The following LPIN2 variants were observed in gnomAD, a reference collection of about 807,000 sequenced individuals.
The protein encoded by LPIN2 is lipin 2, also known as phosphatidate phosphatase LPIN2.
LPIN2 carries 55 observed loss-of-function variants against 111.4 expected under a neutral mutation model. The ratio of observed to expected loss-of-function variants is 0.49; its 90% CI spans 0.40 to 0.62. The LOEUF (loss-of-function observed/expected upper bound fraction) is 0.62. Among genes scored for constraint, LPIN2 ranks in the 20% least tolerant of loss-of-function variants. LPIN2 has a pLI of 0.00. For missense variants in LPIN2, 992 were observed against 1,112.1 expected (o/e 0.89, Z 1.54); for synonymous variants, 425 against 414.0 (o/e 1.03, Z -0.32).
intron 1 of LPIN2, among the ~76,000 whole-genome samples, chr18:3,006,055 G>C (rs765044918): frequency 2.0e-5 from 3 of 152,142 alleles, no homozygotes; most frequent in Non-Finnish European, 2.9e-5. Flanking sequence ...TTCAGCTTCA[G>C]GGTTCTCACC....
At chr18:2,953,800 C>A (rs603080) in intron 3 of LPIN2, among the ~76,000 whole-genome samples, 1 of 151,738 alleles carries the variant, frequency 6.6e-6, no homozygotes, top group African/African-American at 2.4e-5. Context: ...ATGCACATTA[C>A]GTGATCTGAG....
chr18:2,942,783 T>C (rs1445867549), intron 4 of LPIN2, among the ~76,000 whole-genome samples: 1 of 152,234 alleles, frequency 6.6e-6, no homozygotes, highest in Non-Finnish European at 1.5e-5. Context: ...ACTTTCAAAA[T>C]GGCAGGTATG....
At chr18:3,010,124 C>G (rs1050956035) in intron 1 of LPIN2, among the ~76,000 whole-genome samples, 4 of 152,138 alleles carry the variant, frequency 2.6e-5, no homozygotes, top group South Asian at 2.1e-4. Flanking sequence ...TCATTTGGAC[C>G]CCAGGGTGAG....
At chr18:2,973,515 CAGTAGTCTGTTCCCTGTTA>C (rs2077957468) in intron 1 of LPIN2, among the ~76,000 whole-genome samples, 1 of 152,196 alleles carries the variant, frequency 6.6e-6, no homozygotes, top group Non-Finnish European at 1.5e-5. Flanking sequence ...CTGCATGTAT[CAGTAGTCTGTTCCCTGTTA>C]AGTAGTACCC....
In LPIN2 at chr18:2,927,822, C is replaced by G; in HGVS notation, c.1621-11G>C. The G allele has an allele frequency of 6.2e-7, 1 of 1,613,728 alleles. No individual in the cohort carries two copies. Among genetic ancestry groups the G allele is most frequent in the Admixed American group, 1.7e-5 (1 of 60,022 alleles). ...GGACTCAACTGTGGCCTGAAAACAA[C>G]CAACCTGGGTTAGTCTGGGCAATCT... On this transcript the variant is annotated splice_polypyrimidine_tract_variant and intron_variant, in intron 11 of 19. Transcript: ENST00000677752.
At chr18:2,991,905 G>C (rs2078271007) in intron 1 of LPIN2, among the ~76,000 whole-genome samples, 1 of 151,934 alleles carries the variant, frequency 6.6e-6, no homozygotes, top group South Asian at 2.1e-4. Flanking sequence ...AGCTACTTGG[G>C]AGGCTGAGGT....
At chr18:2,923,295 CG>C (rs1365370551) in intron 16 of LPIN2, among the ~76,000 whole-genome samples, 4 of 151,770 alleles carry the variant, frequency 2.6e-5, no homozygotes, top group Non-Finnish European at 5.9e-5. Flanking sequence ...TGGCATGTGC[CG>C]GTAATCCCAG....
At chr18:2,952,480 C>A (rs2077551258) in intron 3 of LPIN2, among the ~76,000 whole-genome samples, 1 of 152,122 alleles carries the variant, frequency 6.6e-6, no homozygotes, top group Non-Finnish European at 1.5e-5. Flanking sequence ...AGCTTTTAAA[C>A]AATAGTTCTG....
intron 1 of LPIN2, among the ~76,000 whole-genome samples, chr18:2,980,740 G>A (rs1459411172): frequency 6.6e-6 from 1 of 152,212 alleles, no homozygotes; most frequent in Non-Finnish European, 1.5e-5. Context: ...CGCTGGAGAA[G>A]AGGTCTGGGC....
intron 1 of LPIN2, among the ~76,000 whole-genome samples, chr18:2,963,304 T>C (rs1045505275): frequency 6.6e-6 from 1 of 152,148 alleles, no homozygotes; most frequent in Admixed American, 6.5e-5. Context: ...ATGAGGGATA[T>C]GTTAAACAGC....
chr18:2,996,348 A>C (rs1183489036), intron 1 of LPIN2, among the ~76,000 whole-genome samples: 1 of 152,032 alleles, frequency 6.6e-6, no homozygotes, highest in Non-Finnish European at 1.5e-5. Flanking sequence ...CAAAAATAAA[A>C]GTGTTACATT....
Position 2,934,469 on chromosome 18 carries a change from A to T in LPIN2, c.1169-19T>A, listed in dbSNP as rs1350346207. The T allele has an allele frequency of 2.0e-6, 3 of 1,504,736 alleles. No homozygotes were observed. The highest frequency in any genetic ancestry group is 2.8e-6 in the Non-Finnish European group (3 of 1,081,468). The allele number at this position is 1,504,736 out of a possible 1,614,324, so 93.2% of individuals were successfully genotyped here. ...TGAACACCTGTTTAAAAAAAAAATCAGAGGTAAGAATTTAGTTATTCTTCA... is the reference window on the plus strand; with the variant it reads ...TGAACACCTGTTTAAAAAAAAAATCTGAGGTAAGAATTTAGTTATTCTTCA... On this transcript the variant is annotated intron_variant, in intron 7 of 19. Coordinates refer to ENST00000677752, the MANE Select transcript of LPIN2 (RefSeq NM_001375808.2).
At chr18:2,966,129 G>C (rs139783969) in intron 1 of LPIN2, among the ~76,000 whole-genome samples, 2 of 151,888 alleles carry the variant, frequency 1.3e-5, no homozygotes, top group Admixed American at 1.3e-4. Flanking sequence ...TAGAGACGGG[G>C]TTTTGCCATG....
chr18:2,951,405 G>T, intron 3 of LPIN2, 49 bp from the exon 4 acceptor site: 3 of 1,433,546 alleles, frequency 2.1e-6, no homozygotes, highest in Non-Finnish European at 2.9e-6. Context: ...ACTCGACAGT[G>T]AATTAAAGCA....
Position 2,926,463 on chromosome 18 carries a change from T to C in LPIN2, c.1793+260A>G, listed in dbSNP as rs8096970. On this transcript the variant is annotated intron_variant, in intron 13 of 19. Coordinates refer to ENST00000677752, the MANE Select transcript of LPIN2 (RefSeq NM_001375808.2). Reference sequence around the variant, plus strand: ...GGGAGCAGAGGCACCTGGGCCAACATGGCTGAAGCGTTCCTCACGGCCCCT... The same window carrying C: ...GGGAGCAGAGGCACCTGGGCCAACACGGCTGAAGCGTTCCTCACGGCCCCT... 0.4 allele frequency among the ~76,000 whole-genome samples: 61,091 copies of C among 151,962 alleles called. 14,321 individuals are homozygous for C. The highest frequency in any genetic ancestry group is 0.63 in the African/African-American group (26,252 of 41,388).
In LPIN2 at chr18:2,922,049, G is replaced by A. The variant is rs767822439; in HGVS notation, c.2325C>T (p.His775=). The A allele has an allele frequency of 4.3e-6, 7 of 1,612,530 alleles. No homozygotes were observed. The East Asian group carries it at 1.1e-4, about 26-fold the overall frequency. The part of the protein sequence containing the change: ...LSPSSLFSAF[H]REVIEKKPEK... ...AGGGCTGCCTGCCGGAGAGGTACCT[G>A]TGGAAGGCGGAGAACAAGCTGCTGG... The change falls in exon 17 of 20, where the codon CAC becomes CAT. Residue 775 remains histidine, a splice_region_variant and synonymous_variant. Coordinates refer to ENST00000677752, the MANE Select transcript of LPIN2 (RefSeq NM_001375808.2).
chr18:2,930,241 A>G (rs1255829204), intron 9 of LPIN2, among the ~76,000 whole-genome samples: 5 of 152,254 alleles, frequency 3.3e-5, no homozygotes, highest in Non-Finnish European at 7.3e-5. Context: ...TGTAACTTTT[A>G]TATTTTACCT....
At chr18:2,942,969 G>C (rs1380298362) in intron 4 of LPIN2, among the ~76,000 whole-genome samples, 1 of 152,212 alleles carries the variant, frequency 6.6e-6, no homozygotes, top group African/African-American at 2.4e-5. Context: ...TTCAGTCAGG[G>C]CTGGGGGCTC....
At chr18:2,945,859 G>C (rs745833257) in intron 4 of LPIN2, 2 of 1,474,944 alleles carry the variant, frequency 1.4e-6, no homozygotes, top group Non-Finnish European at 1.9e-6. Flanking sequence ...TGTCTACATG[G>C]AACAACTTTT....
Sources: gnomAD v4.1 joint callset for allele counts (sites outside exome capture counted in the v4.1 genomes callset) on GRCh38, gnomAD v4.1.1 for gene constraint, MANE v1.5 for transcripts, NCBI Gene and HGNC (gene_info 2026-07-23, HGNC 2026-07-21) for gene names.